CFTR: variants seen among roughly 807,000 people sequenced by gnomAD.
CFTR encodes cystic fibrosis transmembrane conductance regulator.
In CFTR, 181 loss-of-function variants were observed where a neutral mutation model predicts 171.6. That is an observed-to-expected ratio of 1.05 (90% CI 0.93 to 1.19). CFTR has a LOEUF of 1.19. Ranked by LOEUF, CFTR falls within the 50% of genes most tolerant of loss-of-function variation. CFTR has a pLI of 0.00. For synonymous variants in CFTR, 583 were observed against 608.0 expected (o/e 0.96, Z 0.60); for missense variants, 1,968 against 1,734.7 (o/e 1.13, Z -2.39).
chr7:117,628,748 T>C (rs189363402), intron 22 of CFTR, among the ~76,000 whole-genome samples: 1 of 152,278 alleles, frequency 6.6e-6, no homozygotes, highest in East Asian at 1.9e-4. Context: ...GTACAAATTC[T>C]GTGAAAACAT....
At chr7:117,636,916 C>T (rs897816501) in intron 22 of CFTR, among the ~76,000 whole-genome samples, 3 of 151,416 alleles carry the variant, frequency 2.0e-5, no homozygotes, top group African/African-American at 7.3e-5. Context: ...CTCCTGGGTT[C>T]AAGTGATTCT....
intron 6 of CFTR, among the ~76,000 whole-genome samples, chr7:117,535,723 AG>A (rs1451305244): frequency 1.8e-4 from 27 of 151,978 alleles, no homozygotes; most frequent in Middle Eastern, 3.4e-3. Flanking sequence ...TAGTAGAGAC[AG>A]GGTTTCACCA....
chr7:117,544,798 T>C (rs1562893747), intron 9 of CFTR, among the ~76,000 whole-genome samples: 1 of 152,248 alleles, frequency 6.6e-6, no homozygotes, highest in Non-Finnish European at 1.5e-5. Context: ...TTCTTCACTT[T>C]TTGTGGACTT....
At chr7:117,494,456 A>T (rs1798207829) in intron 1 of CFTR, among the ~76,000 whole-genome samples, 1 of 152,116 alleles carries the variant, frequency 6.6e-6, no homozygotes. Flanking sequence ...CCCAGAGCTT[A>T]TCAGAGCATT....
chr7:117,594,679 T>C (rs1301698041), intron 14 of CFTR, among the ~76,000 whole-genome samples: 2 of 152,192 alleles, frequency 1.3e-5, no homozygotes, highest in Admixed American at 6.5e-5. Flanking sequence ...AGTTATATAA[T>C]CAGTGATACA....
At chr7:117,597,414 AC>A (rs2116046669) in intron 15 of CFTR, among the ~76,000 whole-genome samples, 1 of 152,310 alleles carries the variant, frequency 6.6e-6, no homozygotes, top group South Asian at 2.1e-4. Context: ...TGGATGTCCA[AC>A]CCTGTGGTTT....
At chr7:117,639,216 A>AT (rs1792876082) in intron 22 of CFTR, among the ~76,000 whole-genome samples, 1 of 152,232 alleles carries the variant, frequency 6.6e-6, no homozygotes, top group Non-Finnish European at 1.5e-5. Flanking sequence ...GAGACCTTTA[A>AT]TTTAAAGAAC....
chr7:117,541,623 G>A (rs1799053361), intron 8 of CFTR, among the ~76,000 whole-genome samples: 1 of 148,392 alleles, frequency 6.7e-6, no homozygotes, highest in African/African-American at 2.6e-5. Context: ...CCTTAATAAG[G>A]AGCGTGCTAT....
At chr7:117,583,642 C>A (rs75131793) in intron 11 of CFTR, among the ~76,000 whole-genome samples, 1 of 148,522 alleles carries the variant, frequency 6.7e-6, no homozygotes, top group South Asian at 2.1e-4. Context: ...CATGAGTGTG[C>A]TTTTTTTTTT....
chr7:117,659,022 C>T (rs886065248), intron 24 of CFTR, among the ~76,000 whole-genome samples: 27 of 152,186 alleles, frequency 1.8e-4, no homozygotes, highest in Admixed American at 1.8e-3. Context: ...GCTTTCTACA[C>T]TCACTGCCCA....
At chr7:117,643,676 T>C (rs1584838049) in intron 23 of CFTR, among the ~76,000 whole-genome samples, 1 of 152,102 alleles carries the variant, frequency 6.6e-6, no homozygotes, top group Non-Finnish European at 1.5e-5. Context: ...AAAGAAACAC[T>C]GGAAATACAA....
At chr7:117,595,812 G>A (rs1169883993) in intron 15 of CFTR, among the ~76,000 whole-genome samples, 1 of 152,096 alleles carries the variant, frequency 6.6e-6, no homozygotes, top group Non-Finnish European at 1.5e-5. Context: ...CTTGAGCCTG[G>A]GAGGTCAAGG....
chr7:117,666,898 AT>A lies in CFTR; in HGVS notation c.4243-7del, dbSNP rs878854021. The A allele has an allele frequency of 6.3e-5, 102 of 1,613,806 alleles. No homozygotes were observed. The highest frequency in any genetic ancestry group is 7.6e-5 in the Non-Finnish European group (90 of 1,179,792). ...TCTGTCCCAGATCTCACTAACAGCC[AT>A]TTCCCTAGGTCATAGAAGAGAACAA... On this transcript the variant is annotated splice_polypyrimidine_tract_variant and intron_variant, in intron 26 of 26. Coordinates refer to ENST00000003084, the MANE Select transcript of CFTR (RefSeq NM_000492.4).
At chr7:117,593,732 A>G (rs1318973405) in intron 14 of CFTR, among the ~76,000 whole-genome samples, 2 of 152,036 alleles carry the variant, frequency 1.3e-5, no homozygotes, top group Non-Finnish European at 2.9e-5. Flanking sequence ...AGTAGCTGAG[A>G]TTACAGGCAT....
At chr7:117,499,615 G>C (rs1345272854) in intron 1 of CFTR, among the ~76,000 whole-genome samples, 1 of 150,584 alleles carries the variant, frequency 6.6e-6, no homozygotes, top group East Asian at 1.9e-4. Flanking sequence ...AGGGATCTCT[G>C]TTTGCTATCC....
At chr7:117,541,946 A>G (rs898903491) in intron 8 of CFTR, 70 bp from the exon 9 acceptor site, 1 of 719,710 alleles carries the variant, frequency 1.4e-6, no homozygotes, top group African/African-American at 1.8e-5. Flanking sequence ...ATGAGAGTAT[A>G]AAGTAGATGT....
intron 24 of CFTR, among the ~76,000 whole-genome samples, chr7:117,657,306 A>G (rs1427520716): frequency 6.6e-6 from 1 of 152,164 alleles, no homozygotes; most frequent in Non-Finnish European, 1.5e-5. Context: ...TTAGGTATAT[A>G]CTTTTACTGT....
At chr7:117,649,519 A>ATT (rs35134989) in intron 23 of CFTR, among the ~76,000 whole-genome samples, 24 of 103,670 alleles carry the variant, frequency 2.3e-4, no homozygotes, top group South Asian at 6.2e-4. Flanking sequence ...ATATATATAT[A>ATT]TTTTTTTTTT....
At chr7:117,513,588 A>G (rs933868058) in intron 3 of CFTR, among the ~76,000 whole-genome samples, 2 of 152,180 alleles carry the variant, frequency 1.3e-5, no homozygotes, top group South Asian at 2.1e-4. Context: ...AATGAAATAT[A>G]TGTGGGGGTA....
Sources: gnomAD v4.1 joint callset for allele counts (sites outside exome capture counted in the v4.1 genomes callset) on GRCh38, gnomAD v4.1.1 for gene constraint, MANE v1.5 for transcripts, NCBI Gene and HGNC (gene_info 2026-07-23, HGNC 2026-07-21) for gene names.